The following SLC9D1 variants were observed in gnomAD, a reference collection of about 807,000 sequenced individuals.
The protein encoded by SLC9D1 is solute carrier family 9 member D1, also known as putative LAG1-interacting protein.
chr13:113,539,594 A>G, the SLC9D1 span: 1 of 1,371,838 alleles, frequency 7.3e-7, no homozygotes, highest in Non-Finnish European at 1.0e-6. This position sits in a 1 kb window ranked among gnomAD's most constrained non-coding sequence, Gnocchi z 4.8. Context: ...ATATATTTAT[A>G]TAGCAAAAAT....
At chr13:113,547,225 C>T in the SLC9D1 span, 2 of 1,114,146 alleles carry the variant, frequency 1.8e-6, no homozygotes, top group Non-Finnish European at 1.4e-6. Context: ...AAGTGACACA[C>T]TGAAGTTGTG....
the SLC9D1 span, among the ~76,000 whole-genome samples, chr13:113,524,842 C>T: frequency 6.6e-6 from 1 of 151,910 alleles, no homozygotes; most frequent in South Asian, 2.1e-4. Flanking sequence ...CAGCCAGTCT[C>T]TGTATTTTAA....
At chr13:113,540,189 G>A in the SLC9D1 span, among the ~76,000 whole-genome samples, 6 of 152,296 alleles carry the variant, frequency 3.9e-5, no homozygotes, top group East Asian at 3.9e-4. Flanking sequence ...TGAATGGCGC[G>A]GTGATGAACG....
chr13:113,516,422 G>C, the SLC9D1 span, among the ~76,000 whole-genome samples: 2 of 151,934 alleles, frequency 1.3e-5, no homozygotes, highest in South Asian at 4.2e-4. Flanking sequence ...AAAATTAGCC[G>C]GGCATGGTGG....
the SLC9D1 span, chr13:113,495,387 G>C: frequency 2.0e-6 from 1 of 512,074 alleles, no homozygotes; most frequent in South Asian, 3.7e-5. Flanking sequence ...TATTTATCTA[G>C]GAAAAATGAG....
chr13:113,523,152 TAA>T, the SLC9D1 span, among the ~76,000 whole-genome samples: 1,566 of 151,958 alleles, frequency 0.01, 27 homozygotes, highest in African/African-American at 0.036. Flanking sequence ...GTTTTGGTAA[TAA>T]AAGTCATACT....
At chr13:113,504,208 C>G in the SLC9D1 span, 1 of 152,140 alleles carries the variant, frequency 6.6e-6, no homozygotes, top group Non-Finnish European at 1.5e-5. Flanking sequence ...AACTGTACAC[C>G]CTTTCTGTAT....
chr13:113,496,783 G>C, the SLC9D1 span, among the ~76,000 whole-genome samples: 1 of 152,296 alleles, frequency 6.6e-6, no homozygotes, highest in Admixed American at 6.5e-5. Flanking sequence ...TCAGGCAAAT[G>C]TATAAATCAA....
chr13:113,505,094 T>C, the SLC9D1 span: 8 of 152,250 alleles, frequency 5.3e-5, no homozygotes, highest in Non-Finnish European at 2.9e-5. Flanking sequence ...TGGCCATTTG[T>C]ATATCTTCTT....
chr13:113,549,399 A>T, the SLC9D1 span: 1 of 1,611,486 alleles, frequency 6.2e-7, no homozygotes, highest in Non-Finnish European at 8.5e-7. Context: ...AGTCTCTGTG[A>T]CCCGCTCTGC....
At chr13:113,544,803 T>C in the SLC9D1 span, among the ~76,000 whole-genome samples, 3 of 152,234 alleles carry the variant, frequency 2.0e-5, no homozygotes, top group Non-Finnish European at 4.4e-5. Flanking sequence ...CCGCAGACCC[T>C]GTCTCCAGAT....
the SLC9D1 span, chr13:113,505,900 A>G: frequency 1.1e-4 from 17 of 152,134 alleles, no homozygotes; most frequent in Admixed American, 3.3e-4. Context: ...CCGTTTTTCC[A>G]TCTTCCCATT....
At chr13:113,491,971 G>GT in the SLC9D1 span, among the ~76,000 whole-genome samples, 5 of 152,300 alleles carry the variant, frequency 3.3e-5, no homozygotes, top group South Asian at 2.1e-4. Context: ...AATATTTGTA[G>GT]TTTTTTTCTC....
At chr13:113,524,761 A>G in the SLC9D1 span, among the ~76,000 whole-genome samples, 1 of 151,858 alleles carries the variant, frequency 6.6e-6, no homozygotes, top group East Asian at 1.9e-4. Context: ...TTTCCTTTCA[A>G]CTTATGCCCT....
the SLC9D1 span, chr13:113,505,696 A>C: frequency 6.6e-6 from 1 of 152,230 alleles, no homozygotes; most frequent in South Asian, 2.1e-4. Context: ...AATTTTCTAT[A>C]ATAAGCAGTC....
chr13:113,520,759 T>C, the SLC9D1 span: 2 of 1,505,170 alleles, frequency 1.3e-6, no homozygotes, highest in South Asian at 1.1e-5. Context: ...ACGCAATTTG[T>C]TTTTATAGTT....
At chr13:113,511,419 G>T in the SLC9D1 span, among the ~76,000 whole-genome samples, 2 of 152,192 alleles carry the variant, frequency 1.3e-5, no homozygotes, top group African/African-American at 2.4e-5. Context: ...GGGCCGCCAA[G>T]CAGGGTGCTG....
chr13:113,548,258 T>C, the SLC9D1 span: 2 of 1,606,852 alleles, frequency 1.2e-6, no homozygotes, highest in East Asian at 4.5e-5. Flanking sequence ...TTTAACTCTG[T>C]GTGGGTCCAG....
chr13:113,548,426 C>T, the SLC9D1 span: 9 of 1,611,238 alleles, frequency 5.6e-6, no homozygotes, highest in Non-Finnish European at 7.6e-6. Context: ...GAGCCGGGCG[C>T]GAAGAGCGGG....
Sources: allele counts gnomAD v4.1 joint callset (sites outside exome capture counted in the v4.1 genomes callset), GRCh38; gene constraint gnomAD v4.1.1; non-coding constraint Gnocchi (gnomAD v3.1); transcripts MANE v1.5; gene names NCBI Gene and HGNC (gene_info 2026-07-23, HGNC 2026-07-21).